Variants in CPEB3 observed in about 807,000 individuals in gnomAD.
CPEB3 encodes cytoplasmic polyadenylation element binding protein 3.
Under a neutral mutation model 67.2 loss-of-function variants are expected in CPEB3, and 20 were observed. The ratio of observed to expected loss-of-function variants is 0.30; its 90% CI spans 0.21 to 0.43. The LOEUF is 0.43. Among genes scored for constraint, CPEB3 ranks in the 20% least tolerant of loss-of-function variants. The pLI is 1.00. For missense variants in CPEB3, 746 were observed against 968.6 expected (o/e 0.77, Z 3.05); for synonymous variants, 376 against 393.1 (o/e 0.96, Z 0.51).
chr10:92,108,244 G>A (rs1844564407), intron 7 of CPEB3, among the ~76,000 whole-genome samples: 1 of 152,190 alleles, frequency 6.6e-6, no homozygotes, highest in African/African-American at 2.4e-5. Flanking sequence ...GCCAAAAGCT[G>A]GGAGCAAGGA....
intron 4 of CPEB3, among the ~76,000 whole-genome samples, chr10:92,148,118 C>T (rs1323267422): frequency 2.6e-5 from 4 of 152,152 alleles, no homozygotes; most frequent in Admixed American, 1.3e-4. Flanking sequence ...AACATGTAAG[C>T]ACACTCCTCA....
intron 8 of CPEB3, among the ~76,000 whole-genome samples, chr10:92,084,184 A>T (rs1292169754): frequency 1.3e-5 from 2 of 151,824 alleles, no homozygotes; most frequent in African/African-American, 4.8e-5. Flanking sequence ...AAAAAAAAAA[A>T]ATCTTCAGGA....
intron 3 of CPEB3, among the ~76,000 whole-genome samples, chr10:92,187,986 A>C (rs990517734): frequency 6.6e-6 from 1 of 152,088 alleles, no homozygotes; most frequent in Non-Finnish European, 1.5e-5. Context: ...GCTTGAGCTC[A>C]GGAGTTCAAG....
At chr10:92,108,002 G>A (rs1043625873) in intron 7 of CPEB3, among the ~76,000 whole-genome samples, 4 of 152,154 alleles carry the variant, frequency 2.6e-5, no homozygotes, top group African/African-American at 7.2e-5. Context: ...ATGGGTGAAA[G>A]GAGACCTCAC....
At chr10:92,245,866 G>A (rs1305329504) in intron 1 of CPEB3, among the ~76,000 whole-genome samples, 1 of 151,690 alleles carries the variant, frequency 6.6e-6, no homozygotes, top group Admixed American at 6.6e-5. Context: ...GTGAAACCTC[G>A]TCTCTACTAA....
intron 3 of CPEB3, among the ~76,000 whole-genome samples, chr10:92,187,222 T>C (rs954845836): frequency 6.6e-6 from 1 of 152,182 alleles, no homozygotes; most frequent in African/African-American, 2.4e-5. Flanking sequence ...AGGGGTGGCA[T>C]TATCTGTTTT....
intron 2 of CPEB3, among the ~76,000 whole-genome samples, chr10:92,234,110 A>C (rs534836262): frequency 1.3e-5 from 2 of 151,632 alleles, no homozygotes; most frequent in Admixed American, 1.3e-4. Context: ...TGTCTCAAAA[A>C]AAAAAAAAAA....
At chr10:92,069,796 G>C (rs560102334) in intron 9 of CPEB3, among the ~76,000 whole-genome samples, 1 of 152,116 alleles carries the variant, frequency 6.6e-6, no homozygotes, top group South Asian at 2.1e-4. Flanking sequence ...ATAGAGTCAC[G>C]GGAACACTTT....
At chr10:92,230,666 G>A (rs1338225950) in intron 2 of CPEB3, among the ~76,000 whole-genome samples, 1 of 152,122 alleles carries the variant, frequency 6.6e-6, no homozygotes, top group Non-Finnish European at 1.5e-5. Context: ...ACACTAAAGG[G>A]TGTGAAAACT....
chr10:92,098,770 CTTTTTTTTTT>C (rs984013045), intron 7 of CPEB3, among the ~76,000 whole-genome samples: 9 of 124,560 alleles, frequency 7.2e-5, no homozygotes, highest in African/African-American at 2.2e-4. Context: ...TTCTTTTTTT[CTTTTTTTTTT>C]TTTTTTTTTG....
At position 92,240,445 on chromosome 10, in the gene CPEB3, G is replaced by A. The variant is rs1851793519; in HGVS notation, c.-11-84C>T. ...TGAAGCGGGCGGGTGTTTCACTTGC[G>A]AAAATCCATCGCCACCGCTACTAGC... is the stretch of plus-strand genomic sequence containing the variant. On this transcript the variant is annotated intron_variant, in intron 1 of 9. Transcript: ENST00000265997. 19 of 1,313,082 alleles carry A rather than the reference G, an allele frequency of 1.4e-5. No homozygotes were observed. In the South Asian group the frequency reaches 2.4e-4, roughly 16 times the overall value. 81.3% of individuals were successfully genotyped at this position (1,313,082 alleles called of 1,614,324 possible).
At chr10:92,276,082 T>G (rs1003930048) in intron 1 of CPEB3, among the ~76,000 whole-genome samples, 20 of 151,542 alleles carry the variant, frequency 1.3e-4, no homozygotes, top group Non-Finnish European at 2.8e-4. Flanking sequence ...TCTCCTGACC[T>G]CGTGATCCAC....
At chr10:92,103,890 G>A (rs1844310176) in intron 7 of CPEB3, among the ~76,000 whole-genome samples, 1 of 152,176 alleles carries the variant, frequency 6.6e-6, no homozygotes. Context: ...CAAGGATGTT[G>A]TTACTGGCAT....
At chr10:92,117,916 C>A (rs1462243955) in intron 6 of CPEB3, among the ~76,000 whole-genome samples, 1 of 152,064 alleles carries the variant, frequency 6.6e-6, no homozygotes, top group Non-Finnish European at 1.5e-5. Flanking sequence ...GTTATTATTA[C>A]CATTTTACAG....
At chr10:92,116,440 A>G (rs2133554650) in intron 6 of CPEB3, among the ~76,000 whole-genome samples, 1 of 152,162 alleles carries the variant, frequency 6.6e-6, no homozygotes, top group Admixed American at 6.5e-5. Context: ...ATATATGATT[A>G]GCCATTTCCC....
intron 9 of CPEB3, among the ~76,000 whole-genome samples, chr10:92,080,760 AT>A (rs926355481): frequency 1.3e-5 from 2 of 151,472 alleles, no homozygotes; most frequent in Non-Finnish European, 2.9e-5. Context: ...CTCCCAGCTA[AT>A]TTTTTTTGTG....
chr10:92,075,244 T>C (rs1371426211), intron 9 of CPEB3, among the ~76,000 whole-genome samples: 3 of 152,220 alleles, frequency 2.0e-5, no homozygotes, highest in African/African-American at 7.2e-5. Flanking sequence ...ACTTTGTTCC[T>C]GTAACTTTGA....
intron 2 of CPEB3, among the ~76,000 whole-genome samples, chr10:92,193,253 CAA>C (rs1225229600): frequency 1.1e-4 from 16 of 152,028 alleles, no homozygotes; most frequent in Non-Finnish European, 8.8e-5. Context: ...AAGTTTAATA[CAA>C]GTCTCCATAA....
At chr10:92,115,185 G>T (rs892130489) in intron 6 of CPEB3, among the ~76,000 whole-genome samples, 1 of 152,192 alleles carries the variant, frequency 6.6e-6, no homozygotes, top group Admixed American at 6.5e-5. Context: ...AGGGAGTCTC[G>T]GTCTCTTGCC....
Sources: allele counts gnomAD v4.1 joint callset (sites outside exome capture counted in the v4.1 genomes callset), GRCh38; gene constraint gnomAD v4.1.1; transcripts MANE v1.5; gene names NCBI Gene and HGNC (gene_info 2026-07-23, HGNC 2026-07-21).